The following NAP1L4 variants were observed in gnomAD, a reference collection of about 807,000 sequenced individuals.
NAP1L4 encodes nucleosome assembly protein 1 like 4, also known as nucleosome assembly protein 1-like 4.
NAP1L4 carries 15 observed loss-of-function variants against 58.2 expected under a neutral mutation model. The ratio of observed to expected loss-of-function variants is 0.26; its 90% CI spans 0.17 to 0.40. The LOEUF is 0.40. Ranked by LOEUF, NAP1L4 falls within the 10% of genes least tolerant of loss-of-function variation. NAP1L4 has a pLI of 1.00. For synonymous variants in NAP1L4, 171 were observed against 155.6 expected (o/e 1.10, Z -0.74); for missense variants, 384 against 451.1 (o/e 0.85, Z 1.35).
chr11:2,972,459 T>C (rs1372407531), intron 4 of NAP1L4, among the ~76,000 whole-genome samples: 1 of 152,024 alleles, frequency 6.6e-6, no homozygotes, highest in Non-Finnish European at 1.5e-5. Flanking sequence ...AAACACAAAT[T>C]GTCAAACATG....
intron 1 of NAP1L4, among the ~76,000 whole-genome samples, chr11:2,984,009 T>C (rs1213483453): frequency 2.9e-5 from 4 of 136,042 alleles, no homozygotes; most frequent in Non-Finnish European, 3.2e-5. Context: ...AAAAAAAAAA[T>C]GAGGCTGGAC....
At position 2,951,900 on chromosome 11, in the gene NAP1L4, A is replaced by G; in HGVS notation, c.1036-91T>C. ...GTCCCATCAAGTGACTCACTGACCA[A>G]GCCTAAGAGGAGCAGAAAGTCCAGC... On this transcript the variant is annotated intron_variant, in intron 12 of 15. Coordinates refer to ENST00000380542, the MANE Select transcript of NAP1L4 (RefSeq NM_005969.4). The surrounding 1 kb of genome is among the most constrained non-coding windows in gnomAD (Gnocchi z 4.0). The G allele has an allele frequency of 7.7e-7, 1 of 1,294,866 alleles. No individual in the cohort carries two copies. The highest frequency in any genetic ancestry group is 1.1e-6 in the Non-Finnish European group (1 of 896,366). 80.2% of individuals were successfully genotyped at this position (1,294,866 alleles called of 1,614,324 possible).
Position 2,949,126 on chromosome 11 carries a change from C to A in NAP1L4, c.*32+101G>T. 1 of 901,402 alleles carries A rather than the reference C, an allele frequency of 1.1e-6. No homozygotes were observed. Among genetic ancestry groups the A allele is most frequent in the Non-Finnish European group, 1.7e-6 (1 of 572,304 alleles). 55.8% of individuals were successfully genotyped at this position (901,402 alleles called of 1,614,324 possible). On this transcript the variant is annotated intron_variant, in intron 15 of 15. Coordinates refer to ENST00000380542, the MANE Select transcript of NAP1L4 (RefSeq NM_005969.4). The surrounding 1 kb of genome is among the most constrained non-coding windows in gnomAD (Gnocchi z 4.0). ...TCAAACCTGTGACACAGTGAGTGTA[C>A]CTGGACAGCAACTCCCTCTTTATTC...
chr11:2,978,257 C>G (rs556611180), intron 3 of NAP1L4, 27 bp downstream of exon 3: 1 of 1,609,100 alleles, frequency 6.2e-7, no homozygotes, highest in East Asian at 2.2e-5. Context: ...ATACTGGATG[C>G]AAACTCTCCA....
intron 4 of NAP1L4, among the ~76,000 whole-genome samples, chr11:2,973,378 C>T (rs1023383293): frequency 6.6e-6 from 1 of 152,180 alleles, no homozygotes; most frequent in Non-Finnish European, 1.5e-5. Context: ...AGATTCCTGG[C>T]CTCATCATAG....
Position 2,951,017 on chromosome 11 carries a change from C to T in NAP1L4, c.1122+242G>A, listed in dbSNP as rs1270823778. On this transcript the variant is annotated intron_variant, in intron 14 of 15. Transcript: ENST00000380542. The surrounding 1 kb of genome is among the most constrained non-coding windows in gnomAD (Gnocchi z 4.0). ...AAGTCAAGTTGCTCTACTGAGGAGT[C>T]TATGTAAATAAGACACAGCTTGAGA... 1 of 448,702 alleles carries T rather than the reference C, an allele frequency of 2.2e-6. No homozygotes were observed. Among genetic ancestry groups the T allele is most frequent in the Non-Finnish European group, 3.9e-6 (1 of 254,760 alleles). The allele number at this position is 448,702 out of a possible 1,614,324, so 27.8% of individuals were successfully genotyped here.
chr11:2,967,605 C>T (rs1027543519), intron 7 of NAP1L4, among the ~76,000 whole-genome samples: 28 of 140,354 alleles, frequency 2.0e-4, no homozygotes, highest in Admixed American at 1.2e-3. Context: ...AGCGAGACTC[C>T]GTTAAAAAAA....
rs1375232067 is a variant in NAP1L4 at position 2,945,205 on chromosome 11, G to C, written c.*474C>G. ...CAAGTGGGTTTCTTCGGATGAAAGG[G>C]AAGAATTCAGTCCAACTGCAGGAGG... On this transcript the variant is annotated 3_prime_UTR_variant, in exon 16 of 16. Coordinates refer to ENST00000380542, the MANE Select transcript of NAP1L4 (RefSeq NM_005969.4). 4 of 179,876 alleles carry C rather than the reference G, an allele frequency of 2.2e-5. No individual in the cohort carries two copies. The highest frequency in any genetic ancestry group is 9.4e-5 in the African/African-American group (4 of 42,538). The allele number at this position is 179,876 out of a possible 1,614,324, so 11.1% of individuals were successfully genotyped here.
chr11:2,990,899 A>G (rs1337413680), intron 1 of NAP1L4: 1 of 336,846 alleles, frequency 3.0e-6, no homozygotes, highest in Non-Finnish European at 6.0e-6. Context: ...AGTAACTTAG[A>G]AAGACTTACC....
Position 2,949,931 on chromosome 11 carries a change from G to C in NAP1L4, c.1123-667C>G, listed in dbSNP as rs746979112. ...GAGGTGGCCCTGCCAATTGACCCCA[G>C]TCCTTGCTTTACAACTGCAACCTTA... On this transcript the variant is annotated intron_variant, in intron 14 of 15. Coordinates refer to ENST00000380542, the MANE Select transcript of NAP1L4 (RefSeq NM_005969.4). This position sits in a 1 kb window ranked among gnomAD's most constrained non-coding sequence, Gnocchi z 4.0. Among the ~76,000 whole-genome samples the C allele has an allele frequency of 1.3e-5, 2 of 152,242 alleles. No individual in the cohort carries two copies. Among genetic ancestry groups the C allele is most frequent in the Non-Finnish European group, 2.9e-5 (2 of 68,048 alleles).
intron 1 of NAP1L4, chr11:2,991,345 G>A: frequency 3.4e-6 from 1 of 297,062 alleles, no homozygotes; most frequent in Non-Finnish European, 7.0e-6. Flanking sequence ...AAACAACAAA[G>A]ACTCTGGTCA....
rs762820802 is a variant in NAP1L4 at position 2,954,744 on chromosome 11, C to T, written c.916-98G>A. On this transcript the variant is annotated intron_variant, in intron 11 of 15. Transcript: ENST00000380542. This position sits in a 1 kb window ranked among gnomAD's most constrained non-coding sequence, Gnocchi z 4.8. ...ACCTCAGCCCCTCACTTTTGATTTA[C>T]TTAACTTAAAACACCAAACTCCTGC... is the stretch of plus-strand genomic sequence containing the variant. 6.4e-5 allele frequency: 98 copies of T among 1,536,628 alleles called. 1 individual carries two copies. The African/African-American group carries it at 1.2e-3, about 18-fold the overall frequency.
At position 2,971,006 on chromosome 11, in the gene NAP1L4, GTGACTGA is replaced by G; in HGVS notation, c.402+435_402+441del. 6.6e-6 allele frequency among the ~76,000 whole-genome samples: 1 copy of G among 152,280 alleles called. No individual in the cohort carries two copies. The highest frequency in any genetic ancestry group is 2.4e-5 in the African/African-American group (1 of 41,554). ...GTCACTAGAAAAAGGCTGTGAGCAG[GTGACTGA>G]TGGCCACACCACAACCACCATCTGC... On this transcript the variant is annotated intron_variant, in intron 6 of 15. Coordinates refer to ENST00000380542, the MANE Select transcript of NAP1L4 (RefSeq NM_005969.4). This position sits in a 1 kb window ranked among gnomAD's most constrained non-coding sequence, Gnocchi z 4.2.
At chr11:2,952,586 T>C (rs753111740) in intron 12 of NAP1L4, 2 of 152,304 alleles carry the variant, frequency 1.3e-5, no homozygotes, top group African/African-American at 2.4e-5. Context: ...TGTGCTGGTG[T>C]GGAGTTCACA....
At chr11:2,982,006 G>A (rs1848349856) in intron 1 of NAP1L4, among the ~76,000 whole-genome samples, 1 of 152,142 alleles carries the variant, frequency 6.6e-6, no homozygotes, top group Admixed American at 6.5e-5. Flanking sequence ...TAAATGCAAG[G>A]TGTGAGACAG....
At chr11:2,964,788 TA>T in intron 7 of NAP1L4, 37 bp from the exon 8 acceptor site, 2 of 1,494,174 alleles carry the variant, frequency 1.3e-6, no homozygotes, top group Non-Finnish European at 9.3e-7. Context: ...AACAGGCTTT[TA>T]AAAAAACAAC....
chr11:2,976,038 G>T lies in NAP1L4; in HGVS notation c.159C>A (p.Ser53=). 6.2e-7 allele frequency: 1 copy of T among 1,613,736 alleles called. No homozygotes were observed. Residue 53 remains serine (S), a synonymous_variant, in exon 4 of 16, where the codon TCC becomes TCA. Transcript: ENST00000380542. ...ERLDNVPHTP[S]SYIETLPKAV... is the part of the protein sequence containing the mutation. ...AGCACACTTACGTTTCGATGTAGCT[G>T]GAAGGGGTGTGAGGGACATTGTCAA...
intron 8 of NAP1L4, among the ~76,000 whole-genome samples, chr11:2,961,047 C>A (rs945623011): frequency 6.6e-6 from 1 of 152,120 alleles, no homozygotes; most frequent in African/African-American, 2.4e-5. Flanking sequence ...TAATCTGTAT[C>A]ACTTAGAGCC....
intron 6 of NAP1L4, among the ~76,000 whole-genome samples, chr11:2,970,891 TAA>T (rs1278040284): frequency 6.8e-6 from 1 of 148,088 alleles, no homozygotes; most frequent in East Asian, 2.0e-4. Context: ...AGTTATAGGA[TAA>T]AAGTTACTTG....
Sources: allele counts gnomAD v4.1 joint callset (sites outside exome capture counted in the v4.1 genomes callset), GRCh38; gene constraint gnomAD v4.1.1; non-coding constraint Gnocchi (gnomAD v3.1); transcripts MANE v1.5; gene names NCBI Gene and HGNC (gene_info 2026-07-23, HGNC 2026-07-21).